GALNTL6: variants seen among roughly 807,000 people sequenced by gnomAD.
GALNTL6 encodes the protein polypeptide N-acetylgalactosaminyltransferase like 6.
In GALNTL6, 46 loss-of-function variants were observed where a neutral mutation model predicts 73.7. The ratio of observed to expected loss-of-function variants is 0.62; its 90% CI spans 0.49 to 0.80. The LOEUF is 0.80. GALNTL6 is among the 30% of genes least tolerant of loss of function. The pLI is 0.00. For missense variants in GALNTL6, 604 were observed against 755.0 expected, an observed-to-expected ratio of 0.80 and a Z score of 2.34; for synonymous variants, 259 against 263.7, an observed-to-expected ratio of 0.98 and a Z score of 0.17.
rs534364667 is a variant in GALNTL6 at position 172,196,420 on chromosome 4, G to A, written c.139-33236G>A. The stretch of plus-strand genomic sequence containing the variant: ...GAAGCTATTGCAAATAATTGATTAG[G>A]AGGGACTCCTCCCTAATTCATTTTA... On this transcript the variant is annotated intron_variant, in intron 2 of 12. Transcript: ENST00000506823. Among the ~76,000 whole-genome samples the A allele has an allele frequency of 2.0e-5, 3 of 152,260 alleles. No individual in the cohort carries two copies. In the South Asian group the frequency reaches 6.2e-4, roughly 32 times the overall value.
chr4:173,028,290 T>C (rs557101905), intron 12 of GALNTL6, among the ~76,000 whole-genome samples: 2 of 152,274 alleles, frequency 1.3e-5, no homozygotes, highest in South Asian at 2.1e-4. Flanking sequence ...ATTAAGGCAA[T>C]GTACTCGCCT....
intron 2 of GALNTL6, among the ~76,000 whole-genome samples, chr4:171,986,132 C>CCAAA (rs1322238434): frequency 6.6e-6 from 1 of 151,822 alleles, no homozygotes; most frequent in African/African-American, 2.4e-5. Context: ...GAAGAGACCA[C>CCAAA]CAAACAGGCT....
intron 3 of GALNTL6, among the ~76,000 whole-genome samples, chr4:172,305,891 G>A (rs1041259076): frequency 6.6e-6 from 1 of 152,006 alleles, no homozygotes; most frequent in Non-Finnish European, 1.5e-5. Flanking sequence ...TCATCACTCT[G>A]AACACCAAAT....
chr4:172,855,670 G>A (rs1438338630), intron 7 of GALNTL6, among the ~76,000 whole-genome samples: 1 of 152,100 alleles, frequency 6.6e-6, no homozygotes, highest in Non-Finnish European at 1.5e-5. Flanking sequence ...TTGAGTATTT[G>A]CTTTTTAAAA....
chr4:172,524,535 T>C (rs1329030151), intron 5 of GALNTL6, among the ~76,000 whole-genome samples: 1 of 152,238 alleles, frequency 6.6e-6, no homozygotes, highest in Non-Finnish European at 1.5e-5. Context: ...CGCAACTTAG[T>C]TGTCCTTTCT....
intron 5 of GALNTL6, among the ~76,000 whole-genome samples, chr4:172,525,994 A>G (rs533818570): frequency 6.6e-5 from 10 of 152,118 alleles, no homozygotes; most frequent in Admixed American, 2.0e-4. Context: ...TATTTTTCCT[A>G]TTCTTATTCA....
chr4:172,017,675 G>A (rs1741248310), intron 2 of GALNTL6, among the ~76,000 whole-genome samples: 1 of 152,124 alleles, frequency 6.6e-6, no homozygotes, highest in African/African-American at 2.4e-5. Context: ...AAGGGCTGTT[G>A]TCCAGATTCT....
intron 5 of GALNTL6, among the ~76,000 whole-genome samples, chr4:172,439,715 A>G (rs1043463849): frequency 1.3e-5 from 2 of 152,010 alleles, no homozygotes; most frequent in Non-Finnish European, 2.9e-5. Flanking sequence ...ATTTATACAC[A>G]TTTAATATAT....
At chr4:172,652,597 A>G (rs1416401811) in intron 5 of GALNTL6, among the ~76,000 whole-genome samples, 1 of 152,204 alleles carries the variant, frequency 6.6e-6, no homozygotes, top group Non-Finnish European at 1.5e-5. Flanking sequence ...TTGTTTAAGA[A>G]CAGACTCTAT....
chr4:172,846,659 A>G (rs1465821558), intron 7 of GALNTL6, among the ~76,000 whole-genome samples: 1 of 152,174 alleles, frequency 6.6e-6, no homozygotes, highest in African/African-American at 2.4e-5. Context: ...GCATGAGTGG[A>G]CCTCAGCAAT....
At chr4:171,919,031 C>A (rs934612929) in intron 2 of GALNTL6, among the ~76,000 whole-genome samples, 2 of 152,030 alleles carry the variant, frequency 1.3e-5, no homozygotes, top group African/African-American at 4.8e-5. Flanking sequence ...CATAAAGTTG[C>A]AGTCAAGCAA....
chr4:172,915,028 A>G (rs1415969995), intron 8 of GALNTL6, among the ~76,000 whole-genome samples: 10 of 152,240 alleles, frequency 6.6e-5, no homozygotes, highest in African/African-American at 2.4e-5. Context: ...ATGTAAAACA[A>G]TAGAAATTAT....
In GALNTL6 at chr4:172,245,098, A is replaced by G. The variant is rs550726692; in HGVS notation, c.247+15334A>G. On this transcript the variant is annotated intron_variant, in intron 3 of 12. Coordinates refer to ENST00000506823, the MANE Select transcript of GALNTL6 (RefSeq NM_001034845.3). ...TAGTAGAGCAAGGGATTGGAATACA[A>G]ATTATTGAGTACACTAAGATTAAAT... is the stretch of plus-strand genomic sequence containing the variant. 1.1e-3 allele frequency among the ~76,000 whole-genome samples: 175 copies of G among 152,270 alleles called. 1 individual carries two copies. The highest frequency in any genetic ancestry group is 1.1e-3 in the Non-Finnish European group (73 of 68,016).
chr4:172,203,610 T>G (rs1368551025), intron 2 of GALNTL6, among the ~76,000 whole-genome samples: 2 of 152,166 alleles, frequency 1.3e-5, no homozygotes, highest in African/African-American at 4.8e-5. Context: ...TCAAATATAT[T>G]ACATCATTTT....
chr4:172,162,086 A>G (rs1220103607), intron 2 of GALNTL6, among the ~76,000 whole-genome samples: 43 of 152,056 alleles, frequency 2.8e-4, no homozygotes, highest in Admixed American at 2.8e-3. Flanking sequence ...GGGAGAAAAT[A>G]CGAACATATT....
At chr4:172,121,597 G>C (rs1038191537) in intron 2 of GALNTL6, among the ~76,000 whole-genome samples, 2 of 152,120 alleles carry the variant, frequency 1.3e-5, no homozygotes, top group Non-Finnish European at 2.9e-5. Flanking sequence ...TCCCACATCA[G>C]AGACAGTAAT....
At chr4:172,717,144 A>G (rs1322293249) in intron 5 of GALNTL6, among the ~76,000 whole-genome samples, 1 of 152,200 alleles carries the variant, frequency 6.6e-6, no homozygotes, top group African/African-American at 2.4e-5. Flanking sequence ...GTGTCATTTA[A>G]TTTTCAGTAG....
At chr4:172,448,398 C>A (rs774733404) in intron 5 of GALNTL6, among the ~76,000 whole-genome samples, 1 of 152,074 alleles carries the variant, frequency 6.6e-6, no homozygotes, top group African/African-American at 2.4e-5. Flanking sequence ...TAGAAGTTGA[C>A]CCAGGTGAGA....
intron 5 of GALNTL6, among the ~76,000 whole-genome samples, chr4:172,786,701 T>C (rs1449691036): frequency 6.6e-6 from 1 of 152,128 alleles, no homozygotes; most frequent in Non-Finnish European, 1.5e-5. Flanking sequence ...AGAGGTCTTT[T>C]TGTATTCTGG....
Sources: gnomAD v4.1 joint callset for allele counts (sites outside exome capture counted in the v4.1 genomes callset) on GRCh38, gnomAD v4.1.1 for gene constraint, MANE v1.5 for transcripts, NCBI Gene and HGNC (gene_info 2026-07-23, HGNC 2026-07-21) for gene names.